LAMB4: variants seen among roughly 807,000 people sequenced by gnomAD.
LAMB4 encodes the protein laminin subunit beta 4, also known as laminin subunit beta-4.
LAMB4 carries 196 observed loss-of-function variants against 199.2 expected under a neutral mutation model. That is an observed-to-expected ratio of 0.98 (90% CI 0.88 to 1.11). The LOEUF (loss-of-function observed/expected upper bound fraction) is 1.11. LAMB4 is among the 50% of genes least tolerant of loss of function. The pLI is 0.00. For synonymous variants in LAMB4, 744 were observed against 770.6 expected, an observed-to-expected ratio of 0.97 and a Z score of 0.57; for missense variants, 2,080 against 2,171.2, an observed-to-expected ratio of 0.96 and a Z score of 0.83.
At chr7:108,110,066 G>A (rs1584772738) in intron 4 of LAMB4, among the ~76,000 whole-genome samples, 1 of 152,266 alleles carries the variant, frequency 6.6e-6, no homozygotes, top group East Asian at 1.9e-4. Context: ...GTCTCGCTCT[G>A]TCCCCCAGAC....
Position 108,104,451 on chromosome 7 carries a change from GA to G in LAMB4, c.991+47del, listed in dbSNP as rs779270734. ...GTGAACGAAGTGTTTCTTAAATAAG[GA>G]AATGCAGAGCACACTCAGTCTATGC... On this transcript the variant is annotated intron_variant, in intron 9 of 33. Coordinates refer to ENST00000388781, the MANE Select transcript of LAMB4 (RefSeq NM_007356.3). The G allele has an allele frequency of 1.7e-5, 28 of 1,607,964 alleles. No individual in the cohort carries two copies. In the Middle Eastern group the frequency reaches 6.6e-4, roughly 38 times the overall value.
intron 1 of LAMB4, among the ~76,000 whole-genome samples, chr7:108,125,409 T>C (rs1025398798): frequency 2.6e-5 from 4 of 152,250 alleles, no homozygotes; most frequent in African/African-American, 9.6e-5. Flanking sequence ...ATTGGCATTA[T>C]GGGCATTTAA....
At chr7:108,120,882 G>C (rs543975259) in intron 2 of LAMB4, among the ~76,000 whole-genome samples, 1 of 152,132 alleles carries the variant, frequency 6.6e-6, no homozygotes, top group South Asian at 2.1e-4. Context: ...GTTTTTGTCA[G>C]AATTTTTTTT....
chr7:108,126,731 A>ATT (rs368918537), intron 1 of LAMB4, among the ~76,000 whole-genome samples: 1 of 137,594 alleles, frequency 7.3e-6, no homozygotes, highest in African/African-American at 3.0e-5. Flanking sequence ...CGCCCGACTA[A>ATT]TTTTTTTTTT....
chr7:108,098,266 G>A, intron 11 of LAMB4, 137 bp downstream of exon 11: 1 of 370,414 alleles, frequency 2.7e-6, no homozygotes. Context: ...CTGGGAGGTG[G>A]AGGTTGGAGT....
chr7:108,032,440 G>T (rs1466880454), intron 31 of LAMB4, among the ~76,000 whole-genome samples: 1 of 152,010 alleles, frequency 6.6e-6, no homozygotes, highest in East Asian at 1.9e-4. Flanking sequence ...TTCTTTACAC[G>T]TCTGGGGGAA....
In LAMB4 at chr7:108,029,113, T is replaced by C. The variant is rs768148967; in HGVS notation, c.5076A>G (p.Lys1692=). The C allele has an allele frequency of 6.2e-7, 1 of 1,614,150 alleles. No homozygotes were observed. Among genetic ancestry groups the C allele is most frequent in the Non-Finnish European group, 8.5e-7 (1 of 1,179,992 alleles). ...TTGLTKETLG[K]VKQLKDAAEK... ...CTGCCGCATCTTTTAGCTGTTTAAC[T>C]TTTCCTAATGTCTCCTTTGTTAGTC... is the stretch of plus-strand genomic sequence containing the variant. The change falls in exon 33 of 34, where the codon AAA becomes AAG. Residue 1692 remains lysine (K), a synonymous_variant. Coordinates refer to ENST00000388781, the MANE Select transcript of LAMB4 (RefSeq NM_007356.3).
chr7:108,014,624 C>T, the LAMB4 span, among the ~76,000 whole-genome samples: 4 of 151,778 alleles, frequency 2.6e-5, no homozygotes, highest in Admixed American at 1.3e-4. Context: ...GTATGATTGC[C>T]GTATAGGAAT....
chr7:108,096,299 C>A (rs2037593330), intron 11 of LAMB4, among the ~76,000 whole-genome samples: 1 of 152,114 alleles, frequency 6.6e-6, no homozygotes, highest in East Asian at 1.9e-4. Context: ...GCATAATGTT[C>A]TTAAGGATCA....
At chr7:108,094,633 G>GAA (rs1177956222) in intron 12 of LAMB4, among the ~76,000 whole-genome samples, 2 of 151,346 alleles carry the variant, frequency 1.3e-5, no homozygotes, top group Admixed American at 1.3e-4. Context: ...GGAGAACAAA[G>GAA]AAAAGAGTTG....
At chr7:108,114,238 A>G (rs2038332625) in intron 3 of LAMB4, among the ~76,000 whole-genome samples, 1 of 152,120 alleles carries the variant, frequency 6.6e-6, no homozygotes, top group Admixed American at 6.5e-5. Flanking sequence ...CTTGGGCAAC[A>G]TAGTGGGACT....
chr7:108,112,611 G>T (rs1274307256), intron 3 of LAMB4, among the ~76,000 whole-genome samples: 2 of 152,144 alleles, frequency 1.3e-5, no homozygotes, highest in African/African-American at 4.8e-5. Flanking sequence ...ATGGATTTTT[G>T]AAGGTTACAA....
chr7:108,124,757 C>G lies in LAMB4; in HGVS notation c.-33-1560G>C, dbSNP rs1289943696. Reference sequence around the variant, plus strand: ...TCAAGTGAGACTATTTTTTCACATTCTACCTTCGAGGCTTTTCCTTGTGAA... The same window carrying G: ...TCAAGTGAGACTATTTTTTCACATTGTACCTTCGAGGCTTTTCCTTGTGAA... On this transcript the variant is annotated intron_variant, in intron 1 of 33. Transcript: ENST00000388781. 2.0e-5 allele frequency among the ~76,000 whole-genome samples: 3 copies of G among 152,006 alleles called. No homozygotes were observed. In the East Asian group the frequency reaches 5.8e-4, roughly 29 times the overall value.
chr7:108,088,702 G>C (rs1447477205), intron 14 of LAMB4, among the ~76,000 whole-genome samples: 1 of 152,040 alleles, frequency 6.6e-6, no homozygotes, highest in Non-Finnish European at 1.5e-5. Context: ...CTTAACTTAG[G>C]TCCTTATTTG....
At chr7:108,126,827 C>T (rs1198114885) in intron 1 of LAMB4, among the ~76,000 whole-genome samples, 1 of 151,928 alleles carries the variant, frequency 6.6e-6, no homozygotes, top group East Asian at 1.9e-4. Flanking sequence ...CTCGGCCTCC[C>T]AAAGTGCTGG....
intron 1 of LAMB4, among the ~76,000 whole-genome samples, chr7:108,123,963 A>T (rs2038689620): frequency 6.6e-6 from 1 of 152,112 alleles, no homozygotes; most frequent in Non-Finnish European, 1.5e-5. Flanking sequence ...AGAGTGGAGT[A>T]CATATACACT....
chr7:108,058,433 C>T (rs1190623667), intron 23 of LAMB4, among the ~76,000 whole-genome samples: 2 of 152,198 alleles, frequency 1.3e-5, no homozygotes, highest in Non-Finnish European at 2.9e-5. Flanking sequence ...AGTTACTTAA[C>T]TGTGTTTTTC....
intron 11 of LAMB4, among the ~76,000 whole-genome samples, chr7:108,097,700 C>T (rs1461056579): frequency 6.6e-6 from 1 of 151,910 alleles, no homozygotes; most frequent in South Asian, 2.1e-4. Context: ...GGTGACAGAG[C>T]GAGACTCCGT....
chr7:108,102,672 G>A (rs752675307), intron 10 of LAMB4, among the ~76,000 whole-genome samples: 40 of 152,238 alleles, frequency 2.6e-4, no homozygotes, highest in East Asian at 9.6e-4. Flanking sequence ...TTTAAAAAGC[G>A]CAAGGTAAGT....
Sources: allele counts gnomAD v4.1 joint callset (sites outside exome capture counted in the v4.1 genomes callset), GRCh38; gene constraint gnomAD v4.1.1; transcripts MANE v1.5; gene names NCBI Gene and HGNC (gene_info 2026-07-23, HGNC 2026-07-21).